The following CNTN4 variants were observed in gnomAD, a reference collection of about 807,000 sequenced individuals.
The protein encoded by CNTN4 is contactin-4.
Under a neutral mutation model 122.5 loss-of-function variants are expected in CNTN4, and 77 were observed. That is an observed-to-expected ratio of 0.63 (90% CI 0.52 to 0.76). CNTN4 has a LOEUF of 0.76. CNTN4 is among the 30% of genes least tolerant of loss of function. The pLI is 0.00. For missense variants in CNTN4, 1,256 were observed against 1,259.1 expected (o/e 1.00, Z 0.04); for synonymous variants, 512 against 447.0 (o/e 1.15, Z -1.83).
intron 2 of CNTN4, among the ~76,000 whole-genome samples, chr3:2,203,526 C>G (rs1376588441): frequency 3.9e-5 from 6 of 152,016 alleles, no homozygotes; most frequent in African/African-American, 1.4e-4. Context: ...ATACCTGGGT[C>G]TTTGGCCAAG....
At chr3:2,123,660 G>A (rs946928145) in intron 2 of CNTN4, among the ~76,000 whole-genome samples, 2 of 152,168 alleles carry the variant, frequency 1.3e-5, no homozygotes, top group African/African-American at 4.8e-5. Context: ...GCGCTACACT[G>A]GCTGTAATTA....
chr3:2,519,296 G>T (rs2077130061), intron 3 of CNTN4, among the ~76,000 whole-genome samples: 1 of 152,112 alleles, frequency 6.6e-6, no homozygotes, highest in Non-Finnish European at 1.5e-5. Context: ...TTTCTTGTGT[G>T]TCTAAGGATG....
At chr3:3,047,089 T>C (rs1414851945) in intron 23 of CNTN4, among the ~76,000 whole-genome samples, 1 of 151,360 alleles carries the variant, frequency 6.6e-6, no homozygotes, top group East Asian at 1.9e-4. Context: ...ATCCTAAAAA[T>C]ATATGCACCC....
chr3:2,473,851 A>G (rs980571293), intron 3 of CNTN4, among the ~76,000 whole-genome samples: 4 of 152,038 alleles, frequency 2.6e-5, no homozygotes, highest in African/African-American at 9.7e-5. Flanking sequence ...TGTCTCTACT[A>G]AAAATACAAA....
intron 2 of CNTN4, among the ~76,000 whole-genome samples, chr3:2,234,370 C>CAAAAAAAAAAAAAAAAAAAAAAAA (rs72401999): frequency 1.1e-5 from 1 of 94,742 alleles, no homozygotes; most frequent in African/African-American, 3.8e-5. Context: ...AAGTCCATCT[C>CAAAAAAAAAAAAAAAAAAAAAAAA]AAAAAAAAAA....
chr3:2,813,883 T>TAAG (rs760547056), intron 6 of CNTN4, among the ~76,000 whole-genome samples: 3 of 152,202 alleles, frequency 2.0e-5, no homozygotes, highest in South Asian at 4.1e-4. Flanking sequence ...TTTCCTATAT[T>TAAG]AAGACTTTTT....
At chr3:2,247,399 G>A (rs1397524842) in intron 2 of CNTN4, among the ~76,000 whole-genome samples, 1 of 151,968 alleles carries the variant, frequency 6.6e-6, no homozygotes, top group Non-Finnish European at 1.5e-5. Flanking sequence ...CCCTAAGAAG[G>A]TTAAGCTGTC....
rs181848001 is a variant in CNTN4 at position 2,874,252 on chromosome 3, G to A, written c.652+7303G>A. ...GTTAGAAAGCATCTGTTAAGTGCTC[G>A]TTGTGTGTGGCACACTATGAAATAA... On this transcript the variant is annotated intron_variant, in intron 8 of 24. Coordinates refer to ENST00000418658, the MANE Select transcript of CNTN4 (RefSeq NM_175607.3). 1.7e-4 allele frequency among the ~76,000 whole-genome samples: 26 copies of A among 152,274 alleles called. No individual in the cohort carries two copies. In the East Asian group the frequency reaches 3.1e-3, roughly 18 times the overall value.
chr3:2,954,454 G>A (rs1034473016), intron 13 of CNTN4, among the ~76,000 whole-genome samples: 1 of 151,382 alleles, frequency 6.6e-6, no homozygotes, highest in African/African-American at 2.4e-5. Context: ...CATCAAATAC[G>A]GTGCTGCAAA....
intron 8 of CNTN4, among the ~76,000 whole-genome samples, chr3:2,874,284 A>T (rs993176393): frequency 3.9e-5 from 6 of 152,232 alleles, no homozygotes; most frequent in African/African-American, 9.6e-5. Context: ...ATAAAAAGAC[A>T]TGATTTCAGC....
At chr3:2,266,915 G>T (rs750288477) in intron 2 of CNTN4, among the ~76,000 whole-genome samples, 13 of 152,006 alleles carry the variant, frequency 8.6e-5, no homozygotes, top group Non-Finnish European at 1.6e-4. Context: ...AATTGCAAAA[G>T]TTATTTTTAT....
At chr3:2,419,058 G>A (rs1214941856) in intron 3 of CNTN4, among the ~76,000 whole-genome samples, 1 of 152,142 alleles carries the variant, frequency 6.6e-6, no homozygotes, top group South Asian at 2.1e-4. Flanking sequence ...AGATTAATTG[G>A]TAGAAGTTAA....
At chr3:2,501,078 G>T (rs952722766) in intron 3 of CNTN4, among the ~76,000 whole-genome samples, 5 of 152,078 alleles carry the variant, frequency 3.3e-5, no homozygotes, top group Non-Finnish European at 7.4e-5. Flanking sequence ...TGAAACTTCT[G>T]TTTGCTCCTG....
At chr3:2,458,296 C>T (rs989226291) in intron 3 of CNTN4, among the ~76,000 whole-genome samples, 1 of 152,012 alleles carries the variant, frequency 6.6e-6, no homozygotes, top group Non-Finnish European at 1.5e-5. Context: ...TAATATTAAC[C>T]TATAAAGTGA....
intron 4 of CNTN4, among the ~76,000 whole-genome samples, chr3:2,577,199 AG>A (rs2079730906): frequency 1.3e-5 from 2 of 152,176 alleles, no homozygotes; most frequent in Non-Finnish European, 2.9e-5. Flanking sequence ...TCCTGCTCTT[AG>A]CCTCTACTTT....
intron 10 of CNTN4, among the ~76,000 whole-genome samples, chr3:2,898,836 T>C (rs1170290800): frequency 6.6e-6 from 1 of 152,216 alleles, no homozygotes; most frequent in Non-Finnish European, 1.5e-5. Flanking sequence ...GGGGTCAATA[T>C]TCAGCAGGTT....
At chr3:2,756,072 C>A (rs1476837057) in intron 6 of CNTN4, among the ~76,000 whole-genome samples, 4 of 152,140 alleles carry the variant, frequency 2.6e-5, no homozygotes, top group Non-Finnish European at 5.9e-5. Context: ...CACAATTGCT[C>A]TAATTATATC....
chr3:2,567,525 C>T (rs1411900190), intron 3 of CNTN4, among the ~76,000 whole-genome samples: 4 of 152,166 alleles, frequency 2.6e-5, no homozygotes, highest in Non-Finnish European at 5.9e-5. Context: ...ATAGCTATGA[C>T]GTTTCAACTT....
chr3:2,983,346 C>T (rs1371561831), intron 13 of CNTN4, among the ~76,000 whole-genome samples: 1 of 147,432 alleles, frequency 6.8e-6, no homozygotes, highest in African/African-American at 2.5e-5. Flanking sequence ...TATTTGGTGT[C>T]ACCCATATGC....
Sources: gnomAD v4.1 joint callset for allele counts (sites outside exome capture counted in the v4.1 genomes callset) on GRCh38, gnomAD v4.1.1 for gene constraint, MANE v1.5 for transcripts, NCBI Gene and HGNC (gene_info 2026-07-23, HGNC 2026-07-21) for gene names.